Variants in RPS6KC1 observed in about 807,000 individuals in gnomAD.
RPS6KC1 encodes the protein ribosomal protein S6 kinase C1.
Under a neutral mutation model 103.8 loss-of-function variants are expected in RPS6KC1, and 54 were observed. The observed-to-expected ratio is 0.52, with a 90% CI of 0.42 to 0.65. RPS6KC1 has a LOEUF of 0.65. RPS6KC1 is among the 30% of genes least tolerant of loss of function. The probability of loss-of-function intolerance (pLI) is 0.00; values close to 1 mark genes in which losing one functional copy is unlikely to be tolerated. For synonymous variants in RPS6KC1, 439 were observed against 438.7 expected (o/e 1.00, Z -0.01); for missense variants, 1,151 against 1,253.8 (o/e 0.92, Z 1.24).
At chr1:213,839,751 T>C in the RPS6KC1 span, 18 of 152,218 alleles carry the variant, frequency 1.2e-4, no homozygotes, top group African/African-American at 4.3e-4. Context: ...CTGTGTGACG[T>C]TGGGCTAGTT....
intron 10 of RPS6KC1, among the ~76,000 whole-genome samples, chr1:213,237,755 T>C (rs1167150168): frequency 7.9e-5 from 12 of 152,136 alleles, no homozygotes; most frequent in Non-Finnish European, 1.5e-4. Flanking sequence ...TTATGAATTC[T>C]AATTTTTAAA....
At chr1:213,376,452 A>T in the RPS6KC1 span, among the ~76,000 whole-genome samples, 2,196 of 152,154 alleles carry the variant, frequency 0.014, 128 homozygotes, top group East Asian at 0.18. Context: ...AATTTCAGCT[A>T]TCATGAGTAA....
chr1:213,122,145 A>G (rs966293442), intron 5 of RPS6KC1, among the ~76,000 whole-genome samples: 3 of 152,048 alleles, frequency 2.0e-5, no homozygotes, highest in African/African-American at 7.2e-5. Context: ...GTGGGGGTAG[A>G]TTTTGTTATT....
At chr1:213,186,113 TCAGTGGATTTTGCATCACTGTTAA>T (rs1361204183) in intron 8 of RPS6KC1, among the ~76,000 whole-genome samples, 1 of 152,022 alleles carries the variant, frequency 6.6e-6, no homozygotes, top group East Asian at 1.9e-4. Context: ...TTTGATAAAA[TCAGTGGATTTTGCATCACTGTTAA>T]CAGTAGTATA....
the RPS6KC1 span, among the ~76,000 whole-genome samples, chr1:213,584,638 G>A: frequency 6.6e-6 from 1 of 152,242 alleles, no homozygotes; most frequent in Admixed American, 6.5e-5. Context: ...TTTATGTTAG[G>A]AAAAGAGAGA....
the RPS6KC1 span, among the ~76,000 whole-genome samples, chr1:213,458,682 T>A: frequency 2.0e-5 from 3 of 152,196 alleles, no homozygotes; most frequent in East Asian, 5.8e-4. Context: ...ATCCTTGTCT[T>A]ATGCTGGTTT....
the RPS6KC1 span, chr1:213,821,356 C>T: frequency 1.3e-5 from 2 of 152,254 alleles, no homozygotes; most frequent in African/African-American, 4.8e-5. Context: ...GCCAGCCCTC[C>T]TTTTCCCCCA....
chr1:213,232,341 A>T, intron 10 of RPS6KC1, 86 bp downstream of exon 10: 1 of 1,522,780 alleles, frequency 6.6e-7, no homozygotes, highest in Non-Finnish European at 9.1e-7. Flanking sequence ...ATGAGCAGAT[A>T]GAATATATGA....
rs576848543 is a variant in RPS6KC1, at chr1:213,157,458, C to T, written c.836-10400C>T. ...TCCTGACCTTGTGATCTGCCCGCCT[C>T]GGCCTGCCAAAGTGCTGGGATTACA... On this transcript the variant is annotated intron_variant, in intron 6 of 14. Transcript: ENST00000366960. Among the ~76,000 whole-genome samples the T allele has an allele frequency of 2.6e-5, 4 of 152,230 alleles. No homozygotes were observed. The South Asian group carries it at 8.3e-4, about 32-fold the overall frequency.
At chr1:213,632,696 T>A in the RPS6KC1 span, among the ~76,000 whole-genome samples, 1 of 152,250 alleles carries the variant, frequency 6.6e-6, no homozygotes, top group Non-Finnish European at 1.5e-5. Context: ...GGAGAATGAC[T>A]TTGATAAGTC....
At chr1:213,441,147 C>G in the RPS6KC1 span, among the ~76,000 whole-genome samples, 1 of 152,176 alleles carries the variant, frequency 6.6e-6, no homozygotes, top group East Asian at 1.9e-4. Flanking sequence ...TCACATAGGC[C>G]CCTTTAAACA....
chr1:213,188,446 C>T (rs560282432), intron 8 of RPS6KC1, among the ~76,000 whole-genome samples: 52 of 152,000 alleles, frequency 3.4e-4, no homozygotes, highest in African/African-American at 1.0e-3. Flanking sequence ...TACTTCTCCA[C>T]GGCCCCAGGA....
the RPS6KC1 span, among the ~76,000 whole-genome samples, chr1:213,733,091 T>A: frequency 2.0e-5 from 3 of 152,224 alleles, no homozygotes; most frequent in African/African-American, 7.2e-5. Flanking sequence ...TTGTGAATAA[T>A]GCTGCCATGA....
chr1:213,245,773 G>C (rs892013551), intron 12 of RPS6KC1, among the ~76,000 whole-genome samples: 1 of 152,062 alleles, frequency 6.6e-6, no homozygotes, highest in Non-Finnish European at 1.5e-5. Context: ...CACACACACA[G>C]AAACCTGTGA....
the RPS6KC1 span, among the ~76,000 whole-genome samples, chr1:213,307,313 A>G: frequency 1.3e-5 from 2 of 151,850 alleles, no homozygotes; most frequent in East Asian, 3.9e-4. Context: ...GGCCTCCCAT[A>G]GTGCTGGGAT....
Position 213,272,564 on chromosome 1 carries a change from T to C in RPS6KC1, c.3131T>C (p.Val1044Ala). ...FNPLERLGAG[V>A]AGVEDIKSHP... Reference sequence around the variant, plus strand: ...CCTCTGGAACGACTTGGTGCTGGAGTTGCTGGTGTTGAAGATATCAAATCT... The same window carrying C: ...CCTCTGGAACGACTTGGTGCTGGAGCTGCTGGTGTTGAAGATATCAAATCT... Residue 1044 changes from valine (V) to alanine (A), a missense_variant, in exon 15 of 15, where the codon GTT becomes GCT. Physicochemically the swap from Val to Ala is moderately conservative, Grantham distance 64. Around this residue, in one of 3 missense-constraint regions of RPS6KC1, gnomAD observed 189 missense variants for 228.8 expected, o/e 0.83. Transcript: ENST00000366960. 6.2e-7 allele frequency: 1 copy of C among 1,614,050 alleles called. No individual in the cohort carries two copies.
the RPS6KC1 span, among the ~76,000 whole-genome samples, chr1:213,778,878 G>T: frequency 1.3e-5 from 2 of 152,090 alleles, no homozygotes; most frequent in African/African-American, 2.4e-5. Context: ...CCCCCACCAG[G>T]CTTCCACCCC....
At chr1:213,436,572 C>T in the RPS6KC1 span, among the ~76,000 whole-genome samples, 1 of 152,118 alleles carries the variant, frequency 6.6e-6, no homozygotes. Context: ...GATTGGAATG[C>T]GTTGACTCTA....
intron 12 of RPS6KC1, among the ~76,000 whole-genome samples, chr1:213,256,673 G>T (rs571094433): frequency 3.3e-5 from 5 of 152,286 alleles, no homozygotes; most frequent in African/African-American, 1.2e-4. Flanking sequence ...GCTGCTGTCT[G>T]TGTTGCCTCC....
Sources: allele counts gnomAD v4.1 joint callset (sites outside exome capture counted in the v4.1 genomes callset), GRCh38; gene constraint gnomAD v4.1.1; regional missense constraint gnomAD v4.1.1; transcripts MANE v1.5; gene names NCBI Gene and HGNC (gene_info 2026-07-23, HGNC 2026-07-21).